The following INSL6 variants were observed in gnomAD, a reference collection of about 807,000 sequenced individuals.
The protein encoded by INSL6 is insulin-like peptide INSL6.
In INSL6, 16 loss-of-function variants were observed where a neutral mutation model predicts 9.4. The ratio of observed to expected loss-of-function variants is 1.70; its 90% CI spans 1.15 to 2.59. The LOEUF (loss-of-function observed/expected upper bound fraction) is 2.59. INSL6 is among the 30% of genes most tolerant of loss of function. INSL6 has a pLI of 0.00. For missense variants in INSL6, 391 were observed against 257.3 expected (o/e 1.52, Z -3.56); for synonymous variants, 154 against 96.9 (o/e 1.59, Z -3.46).
intron 2 of INSL6, among the ~76,000 whole-genome samples, chr9:5,134,967 C>A (rs779527668): frequency 9.2e-5 from 14 of 151,998 alleles, no homozygotes; most frequent in Admixed American, 5.2e-4. Context: ...CACACATAGG[C>A]TCAAAATAAA....
chr9:5,084,999 T>C, the INSL6 span: 1 of 848,520 alleles, frequency 1.2e-6, no homozygotes, highest in South Asian at 1.3e-5. Flanking sequence ...GAGTTGTCAT[T>C]TATGTCTTGT....
chr9:5,029,801 A>G, the INSL6 span: 2 of 1,611,384 alleles, frequency 1.2e-6, no homozygotes, highest in East Asian at 2.2e-5. Context: ...CCTGTGTATC[A>G]TAATATGTTT....
At chr9:4,996,085 A>G in the INSL6 span, among the ~76,000 whole-genome samples, 1 of 152,236 alleles carries the variant, frequency 6.6e-6, no homozygotes, top group Non-Finnish European at 1.5e-5. Flanking sequence ...AAGTTCATTT[A>G]ACATTGAATT....
At chr9:5,144,580 T>G (rs1401244420) in intron 2 of INSL6, among the ~76,000 whole-genome samples, 1 of 152,158 alleles carries the variant, frequency 6.6e-6, no homozygotes, top group African/African-American at 2.4e-5. Context: ...GTCAGTGGGG[T>G]GTTAAAGTCT....
the INSL6 span, among the ~76,000 whole-genome samples, chr9:5,057,450 T>G: frequency 6.6e-6 from 1 of 152,140 alleles, no homozygotes; most frequent in Non-Finnish European, 1.5e-5. Context: ...AGTTTAGTAG[T>G]GTTAAGTATA....
At chr9:5,080,364 C>T in the INSL6 span, 1 of 1,612,286 alleles carries the variant, frequency 6.2e-7, no homozygotes, top group Non-Finnish European at 8.5e-7. Context: ...CCTCTAAGTG[C>T]TCTGGATTCT....
At chr9:5,159,356 T>G (rs1046056384), downstream of INSL6, among the ~76,000 whole-genome samples, 1 of 16,116 alleles carries the variant, frequency 6.2e-5, no homozygotes, top group Non-Finnish European at 1.1e-4. Flanking sequence ...AGTGTCAGAA[T>G]GGATTTTTTT....
the INSL6 span, chr9:5,066,924 T>C: frequency 2.6e-6 from 1 of 387,542 alleles, no homozygotes; most frequent in Non-Finnish European, 4.5e-6. Flanking sequence ...AATGCTTAAT[T>C]TCCTCAGAGA....
the INSL6 span, chr9:5,112,802 G>T: frequency 3.7e-6 from 2 of 543,898 alleles, no homozygotes; most frequent in Admixed American, 3.8e-5. Context: ...GCTTTCAGCT[G>T]CCCACCTGGG....
At chr9:5,112,383 G>A in the INSL6 span, 2 of 425,684 alleles carry the variant, frequency 4.7e-6, no homozygotes, top group Admixed American at 3.2e-5. Flanking sequence ...GGCCACTGGG[G>A]AAATCAAGCG....
At chr9:5,185,258 G>A (rs1825541535) in intron 1 of INSL6, 56 bp downstream of exon 1, 1 of 1,606,494 alleles carries the variant, frequency 6.2e-7, no homozygotes, top group Non-Finnish European at 8.5e-7. Flanking sequence ...CAGAGCAAAT[G>A]CAGGAATAAG....
chr9:5,116,143 TAAC>T, the INSL6 span, among the ~76,000 whole-genome samples: 3 of 152,218 alleles, frequency 2.0e-5, no homozygotes, highest in African/African-American at 7.2e-5. Context: ...TTAATCCTCA[TAAC>T]AACCCTTGGA....
intron 2 of INSL6, among the ~76,000 whole-genome samples, chr9:5,152,138 T>C (rs1824724901): frequency 6.6e-6 from 1 of 152,190 alleles, no homozygotes; most frequent in African/African-American, 2.4e-5. Context: ...AATCCATTAT[T>C]ACAGAGATTT....
chr9:5,165,908 T>C (rs1038884798), intron 1 of INSL6, among the ~76,000 whole-genome samples: 3 of 152,230 alleles, frequency 2.0e-5, no homozygotes, highest in Non-Finnish European at 4.4e-5. Context: ...GGCAGCCATG[T>C]TCTGAACCAT....
intron 3 of INSL6, among the ~76,000 whole-genome samples, chr9:5,125,415 T>C (rs1386310137): frequency 2.0e-5 from 3 of 151,496 alleles, no homozygotes; most frequent in African/African-American, 7.2e-5. Context: ...AGGCTATATA[T>C]GTCTGAACAA....
At chr9:5,002,783 A>G in the INSL6 span, among the ~76,000 whole-genome samples, 1 of 151,952 alleles carries the variant, frequency 6.6e-6, no homozygotes. Flanking sequence ...ATGTAATTGG[A>G]AACTATTATT....
At chr9:4,995,793 T>C in the INSL6 span, among the ~76,000 whole-genome samples, 1 of 152,234 alleles carries the variant, frequency 6.6e-6, no homozygotes, top group Non-Finnish European at 1.5e-5. Context: ...TATTTAATTC[T>C]CTATTTCTGA....
the INSL6 span, among the ~76,000 whole-genome samples, chr9:5,016,044 G>A: frequency 6.6e-6 from 1 of 152,126 alleles, no homozygotes; most frequent in Non-Finnish European, 1.5e-5. Flanking sequence ...TTGCTCTTGT[G>A]GTACAACATG....
At chr9:5,070,207 G>A in the INSL6 span, among the ~76,000 whole-genome samples, 2 of 148,394 alleles carry the variant, frequency 1.3e-5, no homozygotes, top group Non-Finnish European at 3.0e-5. Context: ...CCAACCTTGT[G>A]TTAGATGTTA....
Sources: gnomAD v4.1 joint callset for allele counts (sites outside exome capture counted in the v4.1 genomes callset) on GRCh38, gnomAD v4.1.1 for gene constraint, MANE v1.5 for transcripts, NCBI Gene and HGNC (gene_info 2026-07-23, HGNC 2026-07-21) for gene names.